The following PPM1B variants were observed in gnomAD, a reference collection of about 807,000 sequenced individuals.
PPM1B encodes protein phosphatase, Mg2+/Mn2+ dependent 1B.
Under a neutral mutation model 43.0 loss-of-function variants are expected in PPM1B, and 22 were observed. The ratio of observed to expected loss-of-function variants is 0.51; its 90% CI spans 0.37 to 0.73. PPM1B has a LOEUF of 0.73. PPM1B is among the 30% of genes least tolerant of loss of function. The probability of loss-of-function intolerance (pLI) is 0.00; values close to 1 mark genes in which losing one functional copy is unlikely to be tolerated. For synonymous variants in PPM1B, 217 were observed against 197.9 expected, an observed-to-expected ratio of 1.10 and a Z score of -0.81; for missense variants, 632 against 584.2, an observed-to-expected ratio of 1.08 and a Z score of -0.84.
chr2:44,218,635 A>T (rs1183803528), intron 5 of PPM1B, 98 bp downstream of exon 5: 2 of 827,546 alleles, frequency 2.4e-6, no homozygotes, highest in Non-Finnish European at 3.8e-6. Context: ...AATAAATTAT[A>T]GTCTGTAGTA....
chr2:44,178,474 ATTTT>A (rs57257505), intron 1 of PPM1B, among the ~76,000 whole-genome samples: 1 of 135,336 alleles, frequency 7.4e-6, no homozygotes, highest in African/African-American at 2.8e-5. Flanking sequence ...ATATATATAT[ATTTT>A]TTTTTTTAGA....
chr2:44,180,893 T>C (rs1364897653), intron 1 of PPM1B, among the ~76,000 whole-genome samples: 2 of 151,780 alleles, frequency 1.3e-5, no homozygotes, highest in Admixed American at 1.3e-4. Context: ...ATCCAAATGA[T>C]TTTATAGGAG....
intron 1 of PPM1B, among the ~76,000 whole-genome samples, chr2:44,180,323 G>T (rs962275146): frequency 5.3e-5 from 8 of 152,208 alleles, no homozygotes; most frequent in Non-Finnish European, 1.0e-4. Context: ...GACTTTGGGA[G>T]TTGGGGATAC....
intron 1 of PPM1B, among the ~76,000 whole-genome samples, chr2:44,184,892 C>G (rs1349866412): frequency 1.3e-5 from 2 of 150,638 alleles, no homozygotes; most frequent in Non-Finnish European, 3.0e-5. Flanking sequence ...TTCTATATCA[C>G]TTTATAGTTG....
chr2:44,230,568 T>C lies in PPM1B; in HGVS notation c.1290T>C (p.Ala430=). Residue 430 remains alanine (A), a synonymous_variant, in exon 6 of 6, where the codon GCT becomes GCC. Transcript: ENST00000282412. ...LAKVEGEESP[A]EPAATATSSN... is the part of the protein sequence containing the mutation. Reference sequence around the variant, plus strand: ...AAGTAGAGGGAGAAGAAAGCCCTGCTGAACCAGCTGCCACAGCTACTTCTT... The same window carrying C: ...AAGTAGAGGGAGAAGAAAGCCCTGCCGAACCAGCTGCCACAGCTACTTCTT... The C allele has an allele frequency of 1.2e-6, 2 of 1,614,186 alleles. No individual in the cohort carries two copies. Among genetic ancestry groups the C allele is most frequent in the East Asian group, 2.2e-5 (1 of 44,876 alleles).
At chr2:44,236,408 A>AAAAAAAAAAAAAAAAAAAC, downstream of PPM1B, among the ~76,000 whole-genome samples, 1 of 105,140 alleles carries the variant, frequency 9.5e-6, no homozygotes, top group Admixed American at 9.0e-5. Context: ...GTCTCAAAAA[A>AAAAAAAAAAAAAAAAAAAC]AAAAAAAAAA....
intron 5 of PPM1B, among the ~76,000 whole-genome samples, chr2:44,242,039 T>C (rs1178474112): frequency 1.3e-5 from 2 of 151,474 alleles, no homozygotes; most frequent in Admixed American, 6.6e-5. Context: ...TTTGTATTTT[T>C]AGTAGAGACG....
chr2:44,218,871 A>T (rs745966397), intron 5 of PPM1B: 2 of 464,626 alleles, frequency 4.3e-6, no homozygotes, highest in South Asian at 3.1e-5. Flanking sequence ...TAAATATCTC[A>T]ATTTCTCCTC....
At chr2:44,223,879 C>A (rs1398831780) in intron 5 of PPM1B, among the ~76,000 whole-genome samples, 1 of 138,914 alleles carries the variant, frequency 7.2e-6, no homozygotes, top group African/African-American at 2.7e-5. Context: ...ACATTAGTCA[C>A]TATGTTTTTA....
At chr2:44,232,411 T>G, downstream of PPM1B, 1 of 1,594,362 alleles carries the variant, frequency 6.3e-7, no homozygotes, top group Non-Finnish European at 8.5e-7. Context: ...AATCACAATT[T>G]TCTTCAATAC....
intron 5 of PPM1B, among the ~76,000 whole-genome samples, chr2:44,220,564 A>G (rs772566871): frequency 1.3e-5 from 2 of 152,212 alleles, no homozygotes; most frequent in Non-Finnish European, 1.5e-5. Context: ...CAGCAGATCA[A>G]ACACTGACAG....
intron 2 of PPM1B, among the ~76,000 whole-genome samples, chr2:44,204,694 T>TA (rs1400832190): frequency 6.6e-6 from 1 of 151,472 alleles, no homozygotes; most frequent in African/African-American, 2.4e-5. Flanking sequence ...CCGTCTCTAT[T>TA]AAAAAATAGA....
intron 1 of PPM1B, among the ~76,000 whole-genome samples, chr2:44,181,681 T>C (rs942613220): frequency 2.0e-5 from 3 of 152,206 alleles, no homozygotes; most frequent in Admixed American, 6.5e-5. Flanking sequence ...GGAATGCTGT[T>C]ACTAATACAA....
chr2:44,205,352 T>TGGGTGTGGGTGTCG (rs1553333022), intron 2 of PPM1B, among the ~76,000 whole-genome samples: 6 of 143,314 alleles, frequency 4.2e-5, no homozygotes, highest in African/African-American at 1.6e-4. Flanking sequence ...GGTGTGGGTG[T>TGGGTGTGGGTGTCG]GGGTGTGTGT....
At chr2:44,171,321 T>C (rs1191957096) in intron 1 of PPM1B, among the ~76,000 whole-genome samples, 1 of 152,356 alleles carries the variant, frequency 6.6e-6, no homozygotes, top group Non-Finnish European at 1.5e-5. Flanking sequence ...TCTGAAGGAA[T>C]AGTGTAGTGT....
downstream of PPM1B, among the ~76,000 whole-genome samples, chr2:44,238,171 G>C (rs990462667): frequency 9.2e-5 from 14 of 152,054 alleles, no homozygotes; most frequent in African/African-American, 3.4e-4. Flanking sequence ...CTGAAGTGCT[G>C]GGATTCCAGG....
chr2:44,173,038 G>GGC (rs1480471271), intron 1 of PPM1B, among the ~76,000 whole-genome samples: 1 of 152,210 alleles, frequency 6.6e-6, no homozygotes, highest in Non-Finnish European at 1.5e-5. Flanking sequence ...AGCGTGGCCA[G>GGC]GCGTGGTGGC....
chr2:44,170,229 T>G (rs1378528171), intron 1 of PPM1B, among the ~76,000 whole-genome samples: 1 of 152,214 alleles, frequency 6.6e-6, no homozygotes. Context: ...AATATTCAAT[T>G]TCTTCTAAGA....
In PPM1B at chr2:44,218,013, T is replaced by C; in HGVS notation, c.1011T>C (p.His337=). Residue 337 remains histidine (H), a synonymous_variant, in exon 4 of 6, where the codon CAT becomes CAC. Coordinates refer to ENST00000282412, the MANE Select transcript of PPM1B (RefSeq NM_002706.6). ...AGGAAGGAATGCCTGATCTTGCCCATGTCATGCGCATCTTGTCTGCAGAAA... is the reference window on the plus strand; with the variant it reads ...AGGAAGGAATGCCTGATCTTGCCCACGTCATGCGCATCTTGTCTGCAGAAA... The part of the protein sequence containing the change: ...SGEEGMPDLA[H]VMRILSAENI... 6.2e-7 allele frequency: 1 copy of C among 1,611,848 alleles called. No individual in the cohort carries two copies. The highest frequency in any genetic ancestry group is 8.5e-7 in the Non-Finnish European group (1 of 1,179,392).
Sources: allele counts gnomAD v4.1 joint callset (sites outside exome capture counted in the v4.1 genomes callset), GRCh38; gene constraint gnomAD v4.1.1; transcripts MANE v1.5; gene names NCBI Gene and HGNC (gene_info 2026-07-23, HGNC 2026-07-21).